The following LARGE1 variants were observed in gnomAD, a reference collection of about 807,000 sequenced individuals.
LARGE1 encodes the protein LARGE xylosyl- and glucuronyltransferase 1.
A neutral mutation model predicts 87.6 loss-of-function variants in LARGE1; 43 were observed. The observed-to-expected ratio is 0.49, with a 90% CI of 0.38 to 0.63. The LOEUF (loss-of-function observed/expected upper bound fraction) is 0.63. Among genes scored for constraint, LARGE1 ranks in the 30% least tolerant of loss-of-function variants. The probability of loss-of-function intolerance (pLI) is 0.00; values close to 1 mark genes in which losing one functional copy is unlikely to be tolerated. For synonymous variants in LARGE1, 434 were observed against 394.6 expected (o/e 1.10, Z -1.18); for missense variants, 802 against 1,000.2 (o/e 0.80, Z 2.67).
intron 6 of LARGE1, among the ~76,000 whole-genome samples, chr22:33,532,037 C>T (rs1437920798): frequency 1.3e-5 from 2 of 152,296 alleles, no homozygotes; most frequent in Non-Finnish European, 2.9e-5. Context: ...AACTTAGATG[C>T]CGTAGTGGTG....
At chr22:33,099,356 C>T in the LARGE1 span, among the ~76,000 whole-genome samples, 4 of 152,196 alleles carry the variant, frequency 2.6e-5, no homozygotes, top group Non-Finnish European at 5.9e-5. Flanking sequence ...TGGGTTTAAG[C>T]GATTCTCCGG....
intron 2 of LARGE1, among the ~76,000 whole-genome samples, chr22:33,665,545 T>C (rs371471537): frequency 5.8e-4 from 88 of 152,332 alleles, no homozygotes; most frequent in African/African-American, 1.9e-3. Flanking sequence ...TCATACATTA[T>C]CTTATATAGT....
At chr22:33,539,701 C>T (rs1158926203) in intron 6 of LARGE1, among the ~76,000 whole-genome samples, 1 of 151,510 alleles carries the variant, frequency 6.6e-6, no homozygotes, top group Non-Finnish European at 1.5e-5. Context: ...GGTGATCCTC[C>T]CACCTCAGCC....
chr22:33,860,511 C>T (rs2146585972), intron 1 of LARGE1, among the ~76,000 whole-genome samples: 1 of 152,292 alleles, frequency 6.6e-6, no homozygotes, highest in Admixed American at 6.5e-5. Flanking sequence ...TGGTTGGGAA[C>T]TCCAGGGTCA....
chr22:33,780,810 CA>C (rs2085394826), intron 1 of LARGE1, among the ~76,000 whole-genome samples: 1 of 152,188 alleles, frequency 6.6e-6, no homozygotes, highest in South Asian at 2.1e-4. Context: ...TTGCAGCCTT[CA>C]AAGTTACAGA....
chr22:33,167,541 T>C (rs1673515427), intron 11 of LARGE1, among the ~76,000 whole-genome samples: 1 of 152,210 alleles, frequency 6.6e-6, no homozygotes, highest in Non-Finnish European at 1.5e-5. Flanking sequence ...TCACCCATTC[T>C]ATGTTTCAAT....
chr22:33,605,373 C>A (rs544202319), intron 4 of LARGE1, among the ~76,000 whole-genome samples: 1 of 152,230 alleles, frequency 6.6e-6, no homozygotes, highest in East Asian at 1.9e-4. Flanking sequence ...AGGAGCATTA[C>A]GCAAGGGCAA....
At chr22:33,176,255 A>G (rs143667901) in intron 11 of LARGE1, among the ~76,000 whole-genome samples, 261 of 152,356 alleles carry the variant, frequency 1.7e-3, no homozygotes, top group Non-Finnish European at 1.8e-3. Context: ...CAAAGACTTC[A>G]TGACCAAAAG....
At chr22:33,900,630 A>G (rs1194525204) in intron 1 of LARGE1, among the ~76,000 whole-genome samples, 3 of 152,242 alleles carry the variant, frequency 2.0e-5, no homozygotes, top group Non-Finnish European at 4.4e-5. Flanking sequence ...AGACATGAGG[A>G]AGTCCTAACC....
chr22:33,823,232 A>G (rs5754702), intron 1 of LARGE1, among the ~76,000 whole-genome samples: 92,616 of 152,126 alleles, frequency 0.61, 29,734 homozygotes, highest in African/African-American at 0.82. Context: ...ACCATAGCAC[A>G]TACCTTGGCT....
chr22:33,600,560 G>C (rs7511290), intron 5 of LARGE1, among the ~76,000 whole-genome samples: 12,955 of 152,210 alleles, frequency 0.085, 683 homozygotes, highest in African/African-American at 0.14. Context: ...TTTAGCAAAA[G>C]AACTTGTTAT....
At chr22:33,203,066 A>ACTCTCTCTCTCTCT (rs35446457) in intron 11 of LARGE1, among the ~76,000 whole-genome samples, 11 of 139,378 alleles carry the variant, frequency 7.9e-5, no homozygotes, top group Non-Finnish European at 1.6e-4. Flanking sequence ...TAGAATCTAA[A>ACTCTCTCTCTCTCT]CTCTCTCTCT....
intron 5 of LARGE1, among the ~76,000 whole-genome samples, chr22:33,579,951 C>T (rs2078465674): frequency 6.6e-6 from 1 of 152,146 alleles, no homozygotes; most frequent in South Asian, 2.1e-4. Context: ...ATTTTTTAAT[C>T]CCCTGGGAAT....
chr22:33,845,874 G>A (rs2051554), intron 1 of LARGE1, among the ~76,000 whole-genome samples: 129,713 of 152,152 alleles, frequency 0.85, 55,424 homozygotes, highest in African/African-American at 0.91. Flanking sequence ...TCTTGGTCCT[G>A]AGGGTTTCAA....
chr22:33,682,768 T>G (rs2081818297), intron 2 of LARGE1, among the ~76,000 whole-genome samples: 1 of 152,234 alleles, frequency 6.6e-6, no homozygotes, highest in Admixed American at 6.5e-5. Flanking sequence ...TATGACCCAC[T>G]GTGAGCCAGG....
chr22:33,255,915 C>T (rs982336467), intron 11 of LARGE1, among the ~76,000 whole-genome samples: 2 of 152,130 alleles, frequency 1.3e-5, no homozygotes, highest in African/African-American at 2.4e-5. Context: ...TTTCACTTCC[C>T]GTTTGACAGC....
chr22:33,409,935 T>C (rs138523169), intron 7 of LARGE1, among the ~76,000 whole-genome samples: 18 of 149,380 alleles, frequency 1.2e-4, no homozygotes, highest in Middle Eastern at 7.2e-3. Flanking sequence ...AGTCTAGGAG[T>C]TCAGTGATGG....
intron 2 of LARGE1, among the ~76,000 whole-genome samples, chr22:33,749,858 A>G (rs2084246444): frequency 6.6e-6 from 1 of 152,116 alleles, no homozygotes; most frequent in Admixed American, 6.5e-5. Flanking sequence ...TTGAAATGTC[A>G]TCTACCAGTT....
chr22:33,686,261 T>C (rs1204213297), intron 2 of LARGE1, among the ~76,000 whole-genome samples: 1 of 151,908 alleles, frequency 6.6e-6, no homozygotes, highest in Admixed American at 6.6e-5. Context: ...ATTGTTTCTG[T>C]CTGACCGCCC....
Sources: gnomAD v4.1 joint callset for allele counts (sites outside exome capture counted in the v4.1 genomes callset) on GRCh38, gnomAD v4.1.1 for gene constraint, MANE v1.5 for transcripts, NCBI Gene and HGNC (gene_info 2026-07-23, HGNC 2026-07-21) for gene names.